SHLD3: variants seen among roughly 807,000 people sequenced by gnomAD.
The protein encoded by SHLD3 is REV7-interacting novel NHEJ regulator 1.
Under a neutral mutation model 21.4 loss-of-function variants are expected in SHLD3, and 15 were observed. That is an observed-to-expected ratio of 0.70 (90% CI 0.47 to 1.08). The LOEUF is 1.08. SHLD3 is among the 50% of genes least tolerant of loss of function. The pLI, the probability that SHLD3 is intolerant of heterozygous loss-of-function variation, is 0.00. For missense variants in SHLD3, 273 were observed against 286.1 expected (o/e 0.95, Z 0.33); for synonymous variants, 103 against 97.2 (o/e 1.06, Z -0.35).
At chr5:65,627,058 G>A (rs1174622215) in intron 1 of SHLD3, among the ~76,000 whole-genome samples, 1 of 147,938 alleles carries the variant, frequency 6.8e-6, no homozygotes, top group Non-Finnish European at 1.5e-5. Context: ...CTTGAACCTG[G>A]GAGGCAGAGG....
rs769404610 is a variant in SHLD3, at chr5:65,625,093, G to A, written c.-134G>A. 1 of 1,613,774 alleles carries A rather than the reference G, an allele frequency of 6.2e-7. No individual in the cohort carries two copies. Among genetic ancestry groups the A allele is most frequent in the Non-Finnish European group, 8.5e-7 (1 of 1,179,686 alleles). ...TGAATCCCCCTAAACAGGAGCACCT[G>A]CTGGCGCTAAAAGGTAAACTTTTGC... On this transcript the variant is annotated 5_prime_UTR_variant, in exon 1 of 2. Transcript: ENST00000510585.
At chr5:65,625,750 C>T (rs1297134362) in intron 1 of SHLD3, among the ~76,000 whole-genome samples, 1 of 151,736 alleles carries the variant, frequency 6.6e-6, no homozygotes, top group Non-Finnish European at 1.5e-5. Context: ...TGCCTATTTT[C>T]TGGAAACCTT....
chr5:65,629,217 T>C (rs762506904), intron 1 of SHLD3, among the ~76,000 whole-genome samples: 13 of 152,222 alleles, frequency 8.5e-5, no homozygotes, highest in Admixed American at 6.5e-5. Flanking sequence ...TTTATATCTA[T>C]TGAGTTAAAC....
chr5:65,629,855 C>G lies in SHLD3; in HGVS notation c.268C>G (p.Leu90Val). The G allele has an allele frequency of 6.5e-7, 1 of 1,535,994 alleles. No homozygotes were observed. The highest frequency in any genetic ancestry group is 8.7e-7 in the Non-Finnish European group (1 of 1,146,882). Residue 90 changes from leucine to valine, a missense_variant, in exon 2 of 2, where the codon CTA (leucine) becomes GTA (valine). Coordinates refer to ENST00000510585, the MANE Select transcript of SHLD3 (RefSeq NM_001365341.2). ...KSHSYDCTVD[L>V]LEFQPSLKKQ... The stretch of plus-strand genomic sequence containing the variant: ...ACACAGTTATGATTGCACAGTAGAT[C>G]TATTGGAGTTTCAACCTAGCTTGAA...
At position 65,625,115 on chromosome 5, in the gene SHLD3, T is replaced by C. The variant is rs1342944205; in HGVS notation, c.-121+9T>C. 1.2e-6 allele frequency: 2 copies of C among 1,611,976 alleles called. No homozygotes were observed. The highest frequency in any genetic ancestry group is 2.2e-5 in the East Asian group (1 of 44,862). On this transcript the variant is annotated intron_variant, in intron 1 of 1. Transcript: ENST00000510585. ...CCTGCTGGCGCTAAAAGGTAAACTTTTGCGAACCTGATTCCCCCTTTTCTG... is the reference window on the plus strand; with the variant it reads ...CCTGCTGGCGCTAAAAGGTAAACTTCTGCGAACCTGATTCCCCCTTTTCTG...
chr5:65,629,471 C>A lies in SHLD3; in HGVS notation c.-117C>A. ...CTTTGCAATACTTCTACTTTAGGTCCTGTTTCCCTCTGATTTGGCAAGAGA... is the reference window on the plus strand; with the variant it reads ...CTTTGCAATACTTCTACTTTAGGTCATGTTTCCCTCTGATTTGGCAAGAGA... On this transcript the variant is annotated 5_prime_UTR_variant, in exon 2 of 2. It adds an upstream start codon to the 5' untranslated region. Transcript: ENST00000510585. 1 of 1,425,014 alleles carries A rather than the reference C, an allele frequency of 7.0e-7. No homozygotes were observed. Among genetic ancestry groups the A allele is most frequent in the East Asian group, 2.5e-5 (1 of 39,984 alleles). 88.3% of individuals were successfully genotyped at this position (1,425,014 alleles called of 1,614,324 possible).
rs1755481535 is a variant in SHLD3, at chr5:65,630,349, A to G, written c.*9A>G. ...TTATTTTTAGTATGTAATGAATTCCACTGATTGTCAAAAAGAATATTCTGA... is the reference window on the plus strand; with the variant it reads ...TTATTTTTAGTATGTAATGAATTCCGCTGATTGTCAAAAAGAATATTCTGA... On this transcript the variant is annotated 3_prime_UTR_variant, in exon 2 of 2. Transcript: ENST00000510585. 6.8e-7 allele frequency: 1 copy of G among 1,476,864 alleles called. No homozygotes were observed. The highest frequency in any genetic ancestry group is 1.4e-5 in the African/African-American group (1 of 70,900). The allele number at this position is 1,476,864 out of a possible 1,614,324, so 91.5% of individuals were successfully genotyped here.
Position 65,630,553 on chromosome 5 carries a change from G to T in SHLD3, c.*213G>T, listed in dbSNP as rs752510899. On this transcript the variant is annotated 3_prime_UTR_variant, in exon 2 of 2. Transcript: ENST00000510585. The stretch of plus-strand genomic sequence containing the variant: ...TTACACTGAATTTGAAGGTAAAAAT[G>T]TTCTGTTCCTTTTGTTACAAACTGT... The T allele has an allele frequency of 8.2e-7, 1 of 1,222,432 alleles. No homozygotes were observed. Among genetic ancestry groups the T allele is most frequent in the African/African-American group, 1.5e-5 (1 of 64,642 alleles). The allele number at this position is 1,222,432 out of a possible 1,614,324, so 75.7% of individuals were successfully genotyped here. A position where few individuals can be genotyped will look rare whatever the true frequency, so the allele number is the denominator to read the frequency against.
chr5:65,630,137 A>T lies in SHLD3; in HGVS notation c.550A>T (p.Ile184Phe). 1 of 1,536,068 alleles carries T rather than the reference A, an allele frequency of 6.5e-7. No individual in the cohort carries two copies. The highest frequency in any genetic ancestry group is 8.7e-7 in the Non-Finnish European group (1 of 1,146,866). ...TICNSQTLED[I>F]WTKLNQIIRH... is the part of the protein sequence containing the mutation. ...TTGTAACAGCCAAACTCTGGAAGAC[A>T]TTTGGACAAAACTCAATCAAATTAT... The change falls in exon 2 of 2, where the codon ATT becomes TTT. Residue 184 changes from isoleucine (I) to phenylalanine (F), a missense_variant. Ile to Phe is a conservative substitution (Grantham distance 21). Coordinates refer to ENST00000510585, the MANE Select transcript of SHLD3 (RefSeq NM_001365341.2).
rs1194653979 is a variant in SHLD3, at chr5:65,630,645, C to T, written c.*305C>T. 2 of 1,024,480 alleles carry T rather than the reference C, an allele frequency of 2.0e-6. No homozygotes were observed. The highest frequency in any genetic ancestry group is 1.7e-5 in the African/African-American group (1 of 58,704). The allele number at this position is 1,024,480 out of a possible 1,614,324, so 63.5% of individuals were successfully genotyped here. ...GGTTAATCTCTAAAATCTAATTTTA[C>T]TGTATTTTTTTCCTTACCTCAAGTG... On this transcript the variant is annotated 3_prime_UTR_variant, in exon 2 of 2. Coordinates refer to ENST00000510585, the MANE Select transcript of SHLD3 (RefSeq NM_001365341.2).
In SHLD3 at chr5:65,630,767, AATG is replaced by A; in HGVS notation, c.*431_*433del. 1.4e-6 allele frequency: 1 copy of A among 731,022 alleles called. No individual in the cohort carries two copies. Among genetic ancestry groups the A allele is most frequent in the Non-Finnish European group, 1.7e-6 (1 of 596,704 alleles). 45.3% of individuals were successfully genotyped at this position (731,022 alleles called of 1,614,324 possible). ...AAGTGGGAGACTAGTCTAGATTTAT[AATG>A]ATGTTTCCAAAGATATGTAATAACA... On this transcript the variant is annotated 3_prime_UTR_variant, in exon 2 of 2. Transcript: ENST00000510585.
chr5:65,625,085 G>A lies in SHLD3; in HGVS notation c.-142G>A, dbSNP rs1755143266. On this transcript the variant is annotated 5_prime_UTR_variant, in exon 1 of 2. Transcript: ENST00000510585. ...AATGGAAGTGAATCCCCCTAAACAG[G>A]AGCACCTGCTGGCGCTAAAAGGTAA... The A allele has an allele frequency of 6.2e-7, 1 of 1,613,796 alleles. No homozygotes were observed. The highest frequency in any genetic ancestry group is 8.5e-7 in the Non-Finnish European group (1 of 1,179,738).
chr5:65,625,500 G>A (rs1755171563), intron 1 of SHLD3: 1 of 217,330 alleles, frequency 4.6e-6, no homozygotes, highest in Non-Finnish European at 9.2e-6. Context: ...TGTAAAATTA[G>A]TATTGCATGA....
Position 65,629,779 on chromosome 5 carries a change from A to G in SHLD3, c.192A>G (p.Ala64=). The G allele has an allele frequency of 1.3e-6, 2 of 1,536,124 alleles. No individual in the cohort carries two copies. Among genetic ancestry groups the G allele is most frequent in the Non-Finnish European group, 1.7e-6 (2 of 1,146,894 alleles). ...KRSPPVISEE[A]AEDVKQYLTI... is the part of the protein sequence containing the mutation. ...CACCACCTGTGATTTCTGAAGAGGCAGCTGAAGATGTGAAACAGTACTTAA... is the reference window on the plus strand; with the variant it reads ...CACCACCTGTGATTTCTGAAGAGGCGGCTGAAGATGTGAAACAGTACTTAA... The change falls in exon 2 of 2, where the codon GCA becomes GCG. Residue 64 remains alanine (A), a synonymous_variant. Coordinates refer to ENST00000510585, the MANE Select transcript of SHLD3 (RefSeq NM_001365341.2).
At chr5:65,627,287 A>G (rs1191448249) in intron 1 of SHLD3, among the ~76,000 whole-genome samples, 2 of 152,108 alleles carry the variant, frequency 1.3e-5, no homozygotes, top group African/African-American at 4.8e-5. Flanking sequence ...ACACATTTCA[A>G]TGTGCTGATG....
chr5:65,629,426 T>G (rs989868947), intron 1 of SHLD3, 42 bp from the exon 2 acceptor site: 2 of 1,312,098 alleles, frequency 1.5e-6, no homozygotes, highest in Non-Finnish European at 1.9e-6. Context: ...GTAGGCAGGG[T>G]ATCCCTACCA....
rs1466725885 is a variant in SHLD3 at position 65,629,694 on chromosome 5, C to A, written c.107C>A (p.Ser36Ter). 2.6e-6 allele frequency: 4 copies of A among 1,535,946 alleles called. No homozygotes were observed. Among genetic ancestry groups the A allele is most frequent in the Non-Finnish European group, 3.5e-6 (4 of 1,146,918 alleles). The change falls in exon 2 of 2, where the codon TCA becomes TAA. Residue 36 changes from serine to a stop codon, truncating the protein, a stop_gained. Coordinates refer to ENST00000510585, the MANE Select transcript of SHLD3 (RefSeq NM_001365341.2). LOFTEE classifies it high-confidence loss of function. ...AIQDFPTRPL[S>*]RFIPWFPYDG... ...CAAGACTTTCCTACTCGTCCGCTAT[C>A]AAGATTTATACCTTGGTTTCCATAT...
rs112335140 is a variant in SHLD3, at chr5:65,630,848, G to A, written c.*508G>A. On this transcript the variant is annotated 3_prime_UTR_variant, in exon 2 of 2. Coordinates refer to ENST00000510585, the MANE Select transcript of SHLD3 (RefSeq NM_001365341.2). ...ACAAAATGTATACTTTGCCTAAAAC[G>A]ATAATGTATCCTGTTTTGAAGGAAA... 0.01 allele frequency: 2,186 copies of A among 212,542 alleles called. 57 individuals carry two copies. The highest frequency in any genetic ancestry group is 0.048 in the African/African-American group (2,048 of 42,740). 13.2% of individuals were successfully genotyped at this position (212,542 alleles called of 1,614,324 possible). A position where few individuals can be genotyped will look rare whatever the true frequency, so the allele number is the denominator to read the frequency against.
chr5:65,629,990 T>C lies in SHLD3; in HGVS notation c.403T>C (p.Ser135Pro). 6.5e-7 allele frequency: 1 copy of C among 1,535,930 alleles called. No homozygotes were observed. The highest frequency in any genetic ancestry group is 8.7e-7 in the Non-Finnish European group (1 of 1,146,808). Residue 135 changes from serine (S) to proline (P), a missense_variant, in exon 2 of 2, where the codon TCC (serine) becomes CCC (proline). Coordinates refer to ENST00000510585, the MANE Select transcript of SHLD3 (RefSeq NM_001365341.2). ...KQHKRRSWSI[S>P]LPSNNCTKNV... ...GCACAAGAGGAGATCTTGGAGTATTTCCCTTCCCAGCAATAATTGTACTAA... is the reference window on the plus strand; with the variant it reads ...GCACAAGAGGAGATCTTGGAGTATTCCCCTTCCCAGCAATAATTGTACTAA...
Sources: allele counts gnomAD v4.1 joint callset (sites outside exome capture counted in the v4.1 genomes callset), GRCh38; gene constraint gnomAD v4.1.1; transcripts MANE v1.5; gene names NCBI Gene and HGNC (gene_info 2026-07-23, HGNC 2026-07-21).